NCOR1: variants seen among roughly 807,000 people sequenced by gnomAD.
The protein encoded by NCOR1 is nuclear receptor corepressor 1, also known as protein phosphatase 1, regulatory subunit 109.
Under a neutral mutation model 288.1 loss-of-function variants are expected in NCOR1, and 63 were observed. The observed-to-expected ratio is 0.22, with a 90% CI of 0.18 to 0.27. NCOR1 has a LOEUF of 0.27. Among genes scored for constraint, NCOR1 ranks in the 10% least tolerant of loss-of-function variants. NCOR1 has a pLI of 1.00. For synonymous variants in NCOR1, 1,007 were observed against 1,065.9 expected (o/e 0.94, Z 1.08); for missense variants, 2,397 against 3,019.2 (o/e 0.79, Z 4.83).
chr17:16,054,890 C>A (rs2152524503), intron 40 of NCOR1, among the ~76,000 whole-genome samples: 1 of 152,266 alleles, frequency 6.6e-6, no homozygotes, highest in South Asian at 2.1e-4. Flanking sequence ...TAAGATCACA[C>A]CATTGCACTC....
intron 3 of NCOR1, among the ~76,000 whole-genome samples, chr17:16,173,544 T>A (rs2083500728): frequency 1.3e-5 from 2 of 151,686 alleles, no homozygotes; most frequent in Admixed American, 1.3e-4. Context: ...AACAAATAAA[T>A]ACATCGAAGT....
chr17:16,168,825 G>C (rs974663249), intron 4 of NCOR1, among the ~76,000 whole-genome samples: 1 of 151,930 alleles, frequency 6.6e-6, no homozygotes, highest in Non-Finnish European at 1.5e-5. Context: ...ACAAAAATTA[G>C]CTGAACTTGG....
intron 43 of NCOR1, 100 bp from the exon 44 acceptor site, chr17:16,039,754 G>C: frequency 9.4e-7 from 1 of 1,058,808 alleles, no homozygotes; most frequent in Non-Finnish European, 1.4e-6. Flanking sequence ...ACAGCACTTG[G>C]CAAGTGACCT....
chr17:16,127,613 GTA>G (rs1230554066), intron 14 of NCOR1, among the ~76,000 whole-genome samples: 1 of 132,614 alleles, frequency 7.5e-6, no homozygotes, highest in Non-Finnish European at 1.6e-5. Flanking sequence ...ATACATATGT[GTA>G]TGTGTATATA....
At chr17:16,160,086 C>A (rs1477055142) in intron 5 of NCOR1, among the ~76,000 whole-genome samples, 3 of 151,998 alleles carry the variant, frequency 2.0e-5, no homozygotes, top group Admixed American at 1.3e-4. Flanking sequence ...CCTGCCTTGG[C>A]CTCTCAAAGT....
At chr17:16,120,629 A>G (rs1598911360) in intron 16 of NCOR1, among the ~76,000 whole-genome samples, 2 of 152,242 alleles carry the variant, frequency 1.3e-5, no homozygotes, top group East Asian at 3.9e-4. Flanking sequence ...ATTCCATGAC[A>G]AATAATTTAA....
intron 3 of NCOR1, among the ~76,000 whole-genome samples, chr17:16,176,238 A>C (rs2093221668): frequency 6.6e-6 from 1 of 152,096 alleles, no homozygotes; most frequent in Admixed American, 6.6e-5. Context: ...AAAAAAGAAA[A>C]AAAAGAAATT....
intron 19 of NCOR1, among the ~76,000 whole-genome samples, chr17:16,106,439 A>AC (rs2068647063): frequency 6.6e-6 from 1 of 151,816 alleles, no homozygotes; most frequent in Non-Finnish European, 1.5e-5. Flanking sequence ...TAAAAATACA[A>AC]AAAAAAACCT....
At position 16,061,587 on chromosome 17, in the gene NCOR1, C is replaced by T; in HGVS notation, c.5695G>A (p.Val1899Ile). The stretch of plus-strand genomic sequence containing the variant: ...TTATCTTTCCCAGCCTCAGAATAAA[C>T]TACTGAAGAATGAGGCTGGGGCTTG... ...SGKPQPHSSV[V>I]YSEAGKDKGP... Residue 1899 changes from valine (V) to isoleucine (I), a missense_variant, in exon 37 of 46, where the codon GTT becomes ATT. By Grantham distance (29) the Val-to-Ile change is conservative (BLOSUM62 3). Around this residue, in one of 11 missense-constraint regions of NCOR1, gnomAD observed 1,872 missense variants for 2,187.8 expected, o/e 0.86. Transcript: ENST00000268712. 1 of 1,614,186 alleles carries T rather than the reference C, an allele frequency of 6.2e-7. No individual in the cohort carries two copies. Among genetic ancestry groups the T allele is most frequent in the Non-Finnish European group, 8.5e-7 (1 of 1,180,036 alleles).
intron 3 of NCOR1, among the ~76,000 whole-genome samples, chr17:16,176,938 G>A (rs540616760): frequency 6.6e-6 from 1 of 151,876 alleles, no homozygotes; most frequent in Non-Finnish European, 1.5e-5. Flanking sequence ...TAACTTTATG[G>A]GGAATTTCTG....
Position 16,030,320 on chromosome 17 carries a change from T to C in NCOR1, c.*1976A>G, listed in dbSNP as rs1971810555. 8.9e-6 allele frequency: 2 copies of C among 224,276 alleles called. No homozygotes were observed. The highest frequency in any genetic ancestry group is 1.8e-5 in the Non-Finnish European group (2 of 112,612). 13.9% of individuals were successfully genotyped at this position (224,276 alleles called of 1,614,324 possible). On this transcript the variant is annotated 3_prime_UTR_variant, in exon 46 of 46. Transcript: ENST00000268712. ...CTTGGGTGGCAGAGGTGGAAGAAAA[T>C]CCATGTATAAGTGGACCCACACAGT...
At chr17:16,209,524 C>T (rs956493295) in intron 1 of NCOR1, among the ~76,000 whole-genome samples, 1 of 150,212 alleles carries the variant, frequency 6.7e-6, no homozygotes, top group African/African-American at 2.5e-5. Flanking sequence ...AATTCAAGAC[C>T]AGGCTGGGCA....
In NCOR1 at chr17:16,039,527, G is replaced by C; in HGVS notation, c.6861C>G (p.Ser2287=). 6.2e-7 allele frequency: 1 copy of C among 1,614,022 alleles called. No individual in the cohort carries two copies. Among genetic ancestry groups the C allele is most frequent in the Non-Finnish European group, 8.5e-7 (1 of 1,180,018 alleles). ...DKVEDHGVVM[S]QPMGVVPGTA... Reference sequence around the variant, plus strand: ...TACCAGGCACTACTCCCATAGGCTGGGACATGACAACTCCATGATCCTCAA... The same window carrying C: ...TACCAGGCACTACTCCCATAGGCTGCGACATGACAACTCCATGATCCTCAA... The change falls in exon 44 of 46, where the codon TCC becomes TCG. Residue 2287 remains serine, a synonymous_variant. Coordinates refer to ENST00000268712, the MANE Select transcript of NCOR1 (RefSeq NM_006311.4).
chr17:16,100,478 T>C (rs1404822074), intron 20 of NCOR1, among the ~76,000 whole-genome samples: 5 of 152,002 alleles, frequency 3.3e-5, no homozygotes, highest in African/African-American at 9.7e-5. Context: ...CCATCTCTAC[T>C]AAAAATACAA....
At chr17:16,039,779 AC>A in intron 43 of NCOR1, 125 bp from the exon 44 acceptor site, 1 of 825,646 alleles carries the variant, frequency 1.2e-6, no homozygotes, top group Middle Eastern at 3.0e-4. Flanking sequence ...CAATACCAGG[AC>A]CCACCACACA....
chr17:16,059,044 C>T (rs1195967100), intron 37 of NCOR1, among the ~76,000 whole-genome samples: 2 of 112,862 alleles, frequency 1.8e-5, no homozygotes, highest in African/African-American at 7.4e-5. Context: ...AGCGAAACTC[C>T]GTCTCAAAAA....
intron 23 of NCOR1, among the ~76,000 whole-genome samples, chr17:16,085,288 C>T (rs1176297970): frequency 6.6e-6 from 1 of 152,186 alleles, no homozygotes; most frequent in Non-Finnish European, 1.5e-5. Flanking sequence ...GGAGCAATCA[C>T]GTCTCATACA....
At position 16,064,132 on chromosome 17, in the gene NCOR1, CTCCCGT is replaced by C. The variant is rs770726844; in HGVS notation, c.5151_5156del (p.Arg1720_Glu1721del). 114 of 1,614,104 alleles carry C rather than the reference CTCCCGT, an allele frequency of 7.1e-5. No homozygotes were observed. The African/African-American group carries it at 7.3e-4, about 10-fold the overall frequency. ...GTTCCCGCTCCCGCTCCTTCTCCCG[CTCCCGT>C]TCCCGTTCCCTCTCAGCACTTGCAG... On this transcript the variant is annotated inframe_deletion, in exon 35 of 46. Coordinates refer to ENST00000268712, the MANE Select transcript of NCOR1 (RefSeq NM_006311.4).
chr17:16,100,831 A>G (rs2067484937), intron 20 of NCOR1, among the ~76,000 whole-genome samples: 1 of 152,178 alleles, frequency 6.6e-6, no homozygotes, highest in Non-Finnish European at 1.5e-5. Flanking sequence ...CTTCTACCTA[A>G]TAAGTAGGGG....
Sources: gnomAD v4.1 joint callset for allele counts (sites outside exome capture counted in the v4.1 genomes callset) on GRCh38, gnomAD v4.1.1 for gene constraint, gnomAD v4.1.1 regional missense constraint, MANE v1.5 for transcripts, NCBI Gene and HGNC (gene_info 2026-07-23, HGNC 2026-07-21) for gene names.